Variants in INKA2 observed in about 807,000 individuals in gnomAD.
INKA2 encodes PAK4-inhibitor INKA2.
In INKA2, 3 loss-of-function variants were observed where a neutral mutation model predicts 9.8. The observed-to-expected ratio is 0.31, with a 90% CI of 0.14 to 0.79. INKA2 has a LOEUF of 0.79. INKA2 is among the 30% of genes least tolerant of loss of function. The probability of loss-of-function intolerance (pLI) is 0.62; values close to 1 mark genes in which losing one functional copy is unlikely to be tolerated. For missense variants in INKA2, 392 were observed against 384.4 expected (o/e 1.02, Z -0.17); for synonymous variants, 147 against 143.3 (o/e 1.03, Z -0.18).
upstream of INKA2, chr1:111,739,565 C>T: frequency 1.7e-6 from 1 of 571,556 alleles, no homozygotes; most frequent in Non-Finnish European, 2.7e-6. Context: ...GACCCGGGCG[C>T]AGCCACTGGG....
chr1:111,728,428 G>C (rs576690656), intron 1 of INKA2, among the ~76,000 whole-genome samples: 2 of 152,066 alleles, frequency 1.3e-5, no homozygotes, highest in South Asian at 4.1e-4. Context: ...AGTAACTTAC[G>C]TAACGTCACA....
At chr1:111,736,672 G>C (rs1462079352) in intron 1 of INKA2, among the ~76,000 whole-genome samples, 1 of 152,230 alleles carries the variant, frequency 6.6e-6, no homozygotes, top group African/African-American at 2.4e-5. Context: ...ATGTCTTCCT[G>C]GGTGGCAAGG....
intron 1 of INKA2, chr1:111,754,143 T>C (rs757809614): frequency 6.6e-6 from 1 of 152,210 alleles, no homozygotes; most frequent in Non-Finnish European, 1.5e-5. Flanking sequence ...CAAAATTACT[T>C]GTGCTTGGTA....
chr1:111,746,341 A>G (rs1442009743), intron 1 of INKA2: 1 of 152,262 alleles, frequency 6.6e-6, no homozygotes, highest in South Asian at 2.1e-4. Flanking sequence ...ACAAGTGAAG[A>G]TGCATACTGG....
At chr1:111,741,690 A>G (rs1366344971), upstream of INKA2, among the ~76,000 whole-genome samples, 2 of 152,150 alleles carry the variant, frequency 1.3e-5, no homozygotes, top group African/African-American at 2.4e-5. Context: ...CTCTGAGTAA[A>G]CATTTGTGGA....
At chr1:111,733,711 C>T (rs972924222) in intron 1 of INKA2, among the ~76,000 whole-genome samples, 3 of 152,194 alleles carry the variant, frequency 2.0e-5, no homozygotes, top group African/African-American at 7.2e-5. Context: ...GGACAGCACC[C>T]TCCCCCTGGG....
chr1:111,728,115 T>C (rs1662834344), intron 1 of INKA2, among the ~76,000 whole-genome samples: 1 of 148,110 alleles, frequency 6.8e-6, no homozygotes, highest in African/African-American at 2.5e-5. Flanking sequence ...TAGTGACTAT[T>C]ACTGTTCCCA....
chr1:111,738,750 C>A (rs1361942419), intron 1 of INKA2, among the ~76,000 whole-genome samples: 1 of 152,164 alleles, frequency 6.6e-6, no homozygotes, highest in Non-Finnish European at 1.5e-5. Flanking sequence ...CCAGCACCCT[C>A]CTCCTCCCCG....
At chr1:111,751,502 T>C (rs1320733634) in intron 1 of INKA2, among the ~76,000 whole-genome samples, 3 of 152,236 alleles carry the variant, frequency 2.0e-5, no homozygotes, top group Non-Finnish European at 4.4e-5. Flanking sequence ...TGCTGTCAAA[T>C]AGATCTGAGT....
rs1187360143 is a variant in INKA2 at position 111,723,165 on chromosome 1, C to G, written c.*3803G>C. ...CTGGCTGCTCTGGAGAAGGTGGGGACAAGGTGTGCTCTTGCTCTTGTCCAG... is the reference window on the plus strand; with the variant it reads ...CTGGCTGCTCTGGAGAAGGTGGGGAGAAGGTGTGCTCTTGCTCTTGTCCAG... On this transcript the variant is annotated 3_prime_UTR_variant, in exon 2 of 2. Coordinates refer to ENST00000357260, the MANE Select transcript of INKA2 (RefSeq NM_019099.5). The G allele has an allele frequency of 5.9e-6, 4 of 682,896 alleles. No homozygotes were observed. The East Asian group carries it at 1.1e-4, about 19-fold the overall frequency. The allele number at this position is 682,896 out of a possible 1,614,324, so 42.3% of individuals were successfully genotyped here. A position where few individuals can be genotyped will look rare whatever the true frequency, so the allele number is the denominator to read the frequency against.
chr1:111,726,955 C>T lies in INKA2; in HGVS notation c.*13G>A, dbSNP rs765506487. 6.8e-6 allele frequency: 11 copies of T among 1,606,536 alleles called. No homozygotes were observed. The highest frequency in any genetic ancestry group is 9.4e-6 in the Non-Finnish European group (11 of 1,175,260). The stretch of plus-strand genomic sequence containing the variant: ...GGCCCTTTCAGGCTCAGTCAACTTT[C>T]TGTCTCTAGGATTCAGACCCAAACA... On this transcript the variant is annotated 3_prime_UTR_variant, in exon 2 of 2. Coordinates refer to ENST00000357260, the MANE Select transcript of INKA2 (RefSeq NM_019099.5).
At chr1:111,738,843 G>A (rs1435309430) in intron 1 of INKA2, among the ~76,000 whole-genome samples, 7 of 152,124 alleles carry the variant, frequency 4.6e-5, no homozygotes, top group African/African-American at 1.7e-4. Flanking sequence ...TTTCCGCGTC[G>A]GCGGCGCGGG....
chr1:111,744,045 A>G (rs1663206372), upstream of INKA2, among the ~76,000 whole-genome samples: 2 of 152,212 alleles, frequency 1.3e-5, no homozygotes, highest in Admixed American at 1.3e-4. Context: ...GTGGGAACAC[A>G]TTGGGATGGT....
In INKA2 at chr1:111,723,229, A is replaced by C; in HGVS notation, c.*3739T>G. On this transcript the variant is annotated 3_prime_UTR_variant, in exon 2 of 2. Coordinates refer to ENST00000357260, the MANE Select transcript of INKA2 (RefSeq NM_019099.5). ...CGATGGTGTGACTTGGGAAAGATGG[A>C]GGAGCCTCTCCCCAACAAGGCCCTA... 1.7e-6 allele frequency: 1 copy of C among 600,588 alleles called. No individual in the cohort carries two copies. The highest frequency in any genetic ancestry group is 2.8e-5 in the Admixed American group (1 of 35,292). 37.2% of individuals were successfully genotyped at this position (600,588 alleles called of 1,614,324 possible). A position where few individuals can be genotyped will look rare whatever the true frequency, so the allele number is the denominator to read the frequency against.
At position 111,725,561 on chromosome 1, in the gene INKA2, G is replaced by T. The variant is rs1228562568; in HGVS notation, c.*1407C>A. On this transcript the variant is annotated 3_prime_UTR_variant, in exon 2 of 2. Transcript: ENST00000357260. ...AGGAGGGAACAGGAGGCCTGGGACT[G>T]CTGTGTCTAGTGGGGAGAAGGCCAC... The T allele has an allele frequency of 2.0e-5, 3 of 152,300 alleles. No individual in the cohort carries two copies. The highest frequency in any genetic ancestry group is 4.4e-5 in the Non-Finnish European group (3 of 68,102). 9.4% of individuals were successfully genotyped at this position (152,300 alleles called of 1,614,324 possible). A position where few individuals can be genotyped will look rare whatever the true frequency, so the allele number is the denominator to read the frequency against.
In INKA2 at chr1:111,723,083, T is replaced by C. The variant is rs752540986; in HGVS notation, c.*3885A>G. On this transcript the variant is annotated 3_prime_UTR_variant, in exon 2 of 2. Transcript: ENST00000357260. ...AACTCCAAGTCTAGTGCTCATACCA[T>C]GGTGCTGGCAGAAGTGCCTTAACTG... The C allele has an allele frequency of 1.3e-5, 9 of 701,876 alleles. No individual in the cohort carries two copies. The highest frequency in any genetic ancestry group is 1.2e-4 in the South Asian group (8 of 67,568). 43.5% of individuals were successfully genotyped at this position (701,876 alleles called of 1,614,324 possible). A position where few individuals can be genotyped will look rare whatever the true frequency, so the allele number is the denominator to read the frequency against.
chr1:111,750,176 G>A (rs900824305), intron 1 of INKA2, among the ~76,000 whole-genome samples: 1 of 152,238 alleles, frequency 6.6e-6, no homozygotes, highest in Non-Finnish European at 1.5e-5. Context: ...AATCTGGTCT[G>A]AAGCCTGAGG....
intron 1 of INKA2, chr1:111,755,502 AGCG>A: frequency 1.6e-6 from 1 of 607,702 alleles, no homozygotes; most frequent in East Asian, 3.0e-5. Context: ...GTGGCCGCGA[AGCG>A]AGACAGGCCA....
At chr1:111,740,971 T>TAAAAAAAAAAAAAAAAAA (rs869221820), upstream of INKA2, among the ~76,000 whole-genome samples, 2 of 38,384 alleles carry the variant, frequency 5.2e-5, 1 homozygote, top group Non-Finnish European at 9.9e-5. Context: ...AAACTCCGTT[T>TAAAAAAAAAAAAAAAAAA]AAAAAAAAAA....
Sources: allele counts gnomAD v4.1 joint callset (sites outside exome capture counted in the v4.1 genomes callset), GRCh38; gene constraint gnomAD v4.1.1; transcripts MANE v1.5; gene names NCBI Gene and HGNC (gene_info 2026-07-23, HGNC 2026-07-21).